Variants in RBFOX1 observed in about 807,000 individuals in gnomAD.
RBFOX1 encodes the protein RNA binding protein fox-1 homolog 1.
In RBFOX1, 8 loss-of-function variants were observed where a neutral mutation model predicts 57.7. The observed-to-expected ratio is 0.14, with a 90% CI of 0.08 to 0.25. The LOEUF is 0.25. RBFOX1 is among the 10% of genes least tolerant of loss of function. The probability of loss-of-function intolerance (pLI) is 1.00; values close to 1 mark genes in which losing one functional copy is unlikely to be tolerated. For synonymous variants in RBFOX1, 326 were observed against 222.4 expected (o/e 1.47, Z -4.15); for missense variants, 611 against 548.5 (o/e 1.11, Z -1.14).
chr16:6,312,314 T>A (rs1599508875), intron 1 of RBFOX1, among the ~76,000 whole-genome samples: 2 of 151,420 alleles, frequency 1.3e-5, no homozygotes, highest in East Asian at 2.0e-4. Flanking sequence ...GCCCTTACCC[T>A]CCCGCCCCAA....
intron 3 of RBFOX1, among the ~76,000 whole-genome samples, chr16:6,866,655 C>A (rs1031584184): frequency 1.3e-5 from 2 of 149,040 alleles, no homozygotes; most frequent in African/African-American, 4.9e-5. Context: ...CATTCTCCTG[C>A]CTCAGCCTTC....
intron 2 of RBFOX1, among the ~76,000 whole-genome samples, chr16:6,380,813 T>C (rs974083688): frequency 1.3e-5 from 2 of 152,084 alleles, no homozygotes; most frequent in African/African-American, 4.8e-5. Flanking sequence ...CCTCACCAGT[T>C]TGTGCTGCCT....
In RBFOX1 at chr16:5,877,173, C is replaced by T. The variant is rs117833376; in HGVS notation, c.351+9838C>T. Among the ~76,000 whole-genome samples the T allele has an allele frequency of 1.8e-3, 273 of 152,306 alleles. 3 individuals carry two copies. In the Middle Eastern group the frequency reaches 0.031, roughly 17 times the overall value. On this transcript the variant is annotated intron_variant, in intron 4 of 19. Coordinates refer to the RBFOX1 transcript ENST00000641259. ...TGTCTGCTCTCCAGGCTAGGCTTAG[C>T]GGTTCTAGAATGAAGCAAACTACAT...
At chr16:7,434,259 CAGA>C (rs755626569) in intron 4 of RBFOX1, among the ~76,000 whole-genome samples, 8 of 152,162 alleles carry the variant, frequency 5.3e-5, no homozygotes, top group African/African-American at 9.6e-5. Context: ...ATCACGACTT[CAGA>C]AGATCGAGAC....
At chr16:5,670,043 G>A (rs1368624516) in intron 3 of RBFOX1, among the ~76,000 whole-genome samples, 1 of 152,140 alleles carries the variant, frequency 6.6e-6, no homozygotes, top group Non-Finnish European at 1.5e-5. Context: ...AAATGTAGAT[G>A]AACCTTGAAA....
intron 2 of RBFOX1, among the ~76,000 whole-genome samples, chr16:6,482,140 CAAAT>C (rs1349829071): frequency 1.3e-5 from 2 of 152,156 alleles, no homozygotes; most frequent in African/African-American, 4.8e-5. Context: ...TACTTTAACT[CAAAT>C]AAAGTATCCA....
At chr16:7,442,299 C>T (rs961080262) in intron 4 of RBFOX1, among the ~76,000 whole-genome samples, 3 of 152,168 alleles carry the variant, frequency 2.0e-5, no homozygotes, top group African/African-American at 7.2e-5. Context: ...CCCTCCTCTG[C>T]CTTCTCCAGC....
chr16:7,055,378 C>T lies in RBFOX1; in HGVS notation c.27+3280C>T, dbSNP rs191317620. Among the ~76,000 whole-genome samples, 14 of 152,214 alleles carry T rather than the reference C, an allele frequency of 9.2e-5. No homozygotes were observed. The East Asian group carries it at 2.5e-3, about 27-fold the overall frequency. On this transcript the variant is annotated intron_variant, in intron 4 of 15. Transcript: ENST00000550418. ...GAGTTATTTACAAAAATAAATAACT[C>T]TCCACCTCCCAGTTCCAGGGTTGAT...
At chr16:7,235,073 T>C (rs2093701397) in intron 4 of RBFOX1, among the ~76,000 whole-genome samples, 1 of 152,092 alleles carries the variant, frequency 6.6e-6, no homozygotes, top group African/African-American at 2.4e-5. Context: ...CAAGCTTCAG[T>C]GGAAGGAAGA....
chr16:7,623,040 A>G (rs2059550978), intron 10 of RBFOX1, among the ~76,000 whole-genome samples: 1 of 152,226 alleles, frequency 6.6e-6, no homozygotes, highest in Non-Finnish European at 1.5e-5. Flanking sequence ...CTCCATTGCT[A>G]GGTACCTTAT....
intron 1 of RBFOX1, among the ~76,000 whole-genome samples, chr16:6,272,146 C>T (rs1253915332): frequency 6.6e-6 from 1 of 152,084 alleles, no homozygotes; most frequent in Admixed American, 6.5e-5. Context: ...TCAATATTTA[C>T]AATTAAATCA....
chr16:7,006,070 G>C (rs967606977), intron 3 of RBFOX1, among the ~76,000 whole-genome samples: 2 of 152,152 alleles, frequency 1.3e-5, no homozygotes, highest in Non-Finnish European at 2.9e-5. Context: ...GCAATAGGTA[G>C]TAAACCCTAC....
intron 3 of RBFOX1, among the ~76,000 whole-genome samples, chr16:5,852,644 G>C (rs1433297521): frequency 6.6e-6 from 1 of 152,104 alleles, no homozygotes; most frequent in Non-Finnish European, 1.5e-5. Context: ...GGGGTGGAGG[G>C]GGGTGATTAA....
chr16:5,755,101 G>C (rs578215830), intron 3 of RBFOX1, among the ~76,000 whole-genome samples: 2 of 79,036 alleles, frequency 2.5e-5, no homozygotes, highest in East Asian at 6.9e-4. Context: ...TTAGGGAGTG[G>C]TGATGACTCT....
At chr16:5,808,283 T>C (rs1191343722) in intron 3 of RBFOX1, among the ~76,000 whole-genome samples, 3 of 152,228 alleles carry the variant, frequency 2.0e-5, no homozygotes, top group Non-Finnish European at 2.9e-5. Flanking sequence ...TCTATATCTC[T>C]GTATTGGTAC....
At chr16:6,888,771 T>A (rs1466260644) in intron 3 of RBFOX1, among the ~76,000 whole-genome samples, 2 of 152,162 alleles carry the variant, frequency 1.3e-5, no homozygotes, top group African/African-American at 4.8e-5. Flanking sequence ...GTTAAAAGAT[T>A]AACCGAAGAA....
At chr16:5,284,662 C>G (rs1238760940) in intron 1 of RBFOX1, among the ~76,000 whole-genome samples, 2 of 146,666 alleles carry the variant, frequency 1.4e-5, no homozygotes, top group South Asian at 2.1e-4. Flanking sequence ...CTGCCTCAGT[C>G]TTCTGATTCT....
chr16:7,411,624 C>T (rs1003402121), intron 4 of RBFOX1, among the ~76,000 whole-genome samples: 2 of 152,170 alleles, frequency 1.3e-5, no homozygotes, highest in South Asian at 4.1e-4. Context: ...GAATGTCAGG[C>T]CAGGCGTGGT....
intron 4 of RBFOX1, among the ~76,000 whole-genome samples, chr16:7,052,328 G>A (rs1469093791): frequency 2.0e-5 from 3 of 152,126 alleles, no homozygotes; most frequent in African/African-American, 7.2e-5. Flanking sequence ...TTTAGATTCA[G>A]CAATAAATAC....
Sources: allele counts gnomAD v4.1 joint callset (sites outside exome capture counted in the v4.1 genomes callset), GRCh38; gene constraint gnomAD v4.1.1; transcripts MANE v1.5; gene names NCBI Gene and HGNC (gene_info 2026-07-23, HGNC 2026-07-21).